Variants in MALRD1 observed in about 807,000 individuals in gnomAD.
MALRD1 encodes the protein MAM and LDL receptor class A domain containing 1.
In MALRD1, 247 loss-of-function variants were observed where a neutral mutation model predicts 242.1. That is an observed-to-expected ratio of 1.02 (90% CI 0.92 to 1.13). The LOEUF is 1.13. Among genes scored for constraint, MALRD1 ranks in the 50% most tolerant of loss-of-function variants. The pLI is 0.00. For missense variants in MALRD1, 2,989 were observed against 2,533.1 expected (o/e 1.18, Z -3.86); for synonymous variants, 995 against 866.6 (o/e 1.15, Z -2.60).
intron 13 of MALRD1, among the ~76,000 whole-genome samples, chr10:19,172,720 A>G (rs750093941): frequency 4.0e-5 from 6 of 151,852 alleles, no homozygotes; most frequent in Non-Finnish European, 8.8e-5. Flanking sequence ...ATGATGGTCA[A>G]CAAATGCTTG....
intron 21 of MALRD1, among the ~76,000 whole-genome samples, chr10:19,299,869 GCAAT>G (rs1235071369): frequency 2.0e-5 from 3 of 151,854 alleles, no homozygotes; most frequent in Non-Finnish European, 4.4e-5. Context: ...CTTAGCCAGG[GCAAT>G]CAATCAAGAG....
At chr10:19,526,647 T>C (rs192358060) in intron 31 of MALRD1, among the ~76,000 whole-genome samples, 37 of 152,250 alleles carry the variant, frequency 2.4e-4, no homozygotes, top group Admixed American at 4.6e-4. Context: ...AGTGGCGATA[T>C]ACTTTGATAA....
At chr10:19,237,821 A>G (rs1272519734) in intron 18 of MALRD1, among the ~76,000 whole-genome samples, 5 of 124,684 alleles carry the variant, frequency 4.0e-5, no homozygotes, top group African/African-American at 9.3e-5. Context: ...ATAGAATTTT[A>G]TATGTAATTA....
intron 36 of MALRD1, among the ~76,000 whole-genome samples, chr10:19,687,910 A>AATGTTATGTTATGTTATGTT (rs55753738): frequency 3.1e-4 from 42 of 137,384 alleles, no homozygotes; most frequent in East Asian, 2.9e-3. Flanking sequence ...TTATTTTTTT[A>AATGTTATGTTATGTTATGTT]ATGTTATGTT....
chr10:19,404,012 A>C (rs1846981191), intron 28 of MALRD1, among the ~76,000 whole-genome samples: 1 of 152,142 alleles, frequency 6.6e-6, no homozygotes, highest in Admixed American at 6.6e-5. Context: ...GCTTTTTACT[A>C]AGCAATTTTG....
intron 1 of MALRD1, among the ~76,000 whole-genome samples, chr10:19,060,108 T>A (rs1425538806): frequency 3.3e-5 from 5 of 152,160 alleles, no homozygotes; most frequent in Non-Finnish European, 7.3e-5. Context: ...TGGGTGTCAA[T>A]CTTTTTATTT....
At chr10:19,373,168 A>G (rs555468543) in intron 26 of MALRD1, among the ~76,000 whole-genome samples, 4 of 148,666 alleles carry the variant, frequency 2.7e-5, no homozygotes, top group Non-Finnish European at 5.9e-5. Context: ...TTTTTCCAGA[A>G]TGTTTCCTCC....
At chr10:19,313,820 G>T (rs1347909597) in intron 21 of MALRD1, among the ~76,000 whole-genome samples, 1 of 151,390 alleles carries the variant, frequency 6.6e-6, no homozygotes, top group Non-Finnish European at 1.5e-5. Flanking sequence ...ATTGAAACAG[G>T]AACTGTGGTT....
intron 19 of MALRD1, among the ~76,000 whole-genome samples, chr10:19,276,455 A>T (rs1374713140): frequency 6.6e-6 from 1 of 152,160 alleles, no homozygotes; most frequent in African/African-American, 2.4e-5. Context: ...TTCCACTGAG[A>T]CATATAAAAT....
At chr10:19,558,900 T>C (rs1589238225) in intron 32 of MALRD1, among the ~76,000 whole-genome samples, 1 of 152,224 alleles carries the variant, frequency 6.6e-6, no homozygotes, top group East Asian at 1.9e-4. Context: ...ATAATATTTT[T>C]TGGCTGGGTG....
chr10:19,431,859 A>T (rs1017122675), intron 28 of MALRD1, among the ~76,000 whole-genome samples: 1 of 152,222 alleles, frequency 6.6e-6, no homozygotes, highest in African/African-American at 2.4e-5. Flanking sequence ...GCCACGGGAC[A>T]GATACAATCA....
At position 19,327,689 on chromosome 10, in the gene MALRD1, A is replaced by G; in HGVS notation, c.3687+16A>G. 2 of 1,525,870 alleles carry G rather than the reference A, an allele frequency of 1.3e-6. No homozygotes were observed. The highest frequency in any genetic ancestry group is 1.8e-6 in the Non-Finnish European group (2 of 1,125,478). 94.5% of individuals were successfully genotyped at this position (1,525,870 alleles called of 1,614,324 possible). On this transcript the variant is annotated intron_variant, in intron 23 of 39. Coordinates refer to ENST00000454679, the MANE Select transcript of MALRD1 (RefSeq NM_001142308.3). ...ACATACACAGGTGTGTAATACAGGT[A>G]GTTATGGGGTGAGTGAGTTCTGCTG... is the stretch of plus-strand genomic sequence containing the variant.
chr10:19,269,656 A>T (rs762728157), intron 19 of MALRD1, among the ~76,000 whole-genome samples: 3 of 152,072 alleles, frequency 2.0e-5, no homozygotes, highest in African/African-American at 4.8e-5. Flanking sequence ...AGTTACAACC[A>T]CCACCAATTG....
chr10:19,704,447 C>A (rs1833768084), intron 38 of MALRD1, among the ~76,000 whole-genome samples: 1 of 152,146 alleles, frequency 6.6e-6, no homozygotes. Flanking sequence ...CTTATAAGGG[C>A]ATGAGGGGGC....
chr10:19,695,384 A>G (rs1444181440), intron 38 of MALRD1, among the ~76,000 whole-genome samples: 2 of 152,156 alleles, frequency 1.3e-5, no homozygotes, highest in Non-Finnish European at 2.9e-5. Context: ...CTTTTCTCAC[A>G]CTGCTAATAA....
Position 19,216,240 on chromosome 10 carries a change from C to T in MALRD1, c.2991+6560C>T, listed in dbSNP as rs1026344168. The stretch of plus-strand genomic sequence containing the variant: ...TCAAGTGATTCTCCTGCCTCAGCCT[C>T]CTGAGTAGCTGGGACTATAGGTGCC... On this transcript the variant is annotated intron_variant, in intron 18 of 39. Transcript: ENST00000454679. Among the ~76,000 whole-genome samples, 3 of 151,512 alleles carry T rather than the reference C, an allele frequency of 2.0e-5. No homozygotes were observed. The East Asian group carries it at 5.9e-4, about 30-fold the overall frequency.
intron 12 of MALRD1, among the ~76,000 whole-genome samples, chr10:19,163,564 C>G (rs150488017): frequency 4.8e-4 from 73 of 152,106 alleles, no homozygotes; most frequent in African/African-American, 1.5e-3. Flanking sequence ...ATGCTTAGTG[C>G]CTGGGTGACA....
In MALRD1 at chr10:19,108,723, T is replaced by G. The variant is rs1287449492; in HGVS notation, c.694+4648T>G. On this transcript the variant is annotated intron_variant, in intron 5 of 39. Transcript: ENST00000454679. ...TGAGCCACCGCGCCCGGCCGTTTTT[T>G]CTAATTTTATTGAATTGTGTATATT... 3.3e-5 allele frequency among the ~76,000 whole-genome samples: 5 copies of G among 151,898 alleles called. 1 individual carries two copies. The highest frequency in any genetic ancestry group is 1.2e-4 in the African/African-American group (5 of 41,324).
intron 13 of MALRD1, among the ~76,000 whole-genome samples, chr10:19,174,720 T>C (rs1347571561): frequency 1.3e-5 from 2 of 152,176 alleles, no homozygotes; most frequent in Non-Finnish European, 2.9e-5. Context: ...TGGTTATTGA[T>C]GTGTGCTTTA....
Sources: allele counts gnomAD v4.1 joint callset (sites outside exome capture counted in the v4.1 genomes callset), GRCh38; gene constraint gnomAD v4.1.1; transcripts MANE v1.5; gene names NCBI Gene and HGNC (gene_info 2026-07-23, HGNC 2026-07-21).